The following ATRNL1 variants were observed in gnomAD, a reference collection of about 807,000 sequenced individuals.
The protein encoded by ATRNL1 is attractin like 1.
In ATRNL1, 95 loss-of-function variants were observed where a neutral mutation model predicts 182.7. That is an observed-to-expected ratio of 0.52 (90% CI 0.44 to 0.62). The LOEUF is 0.62. ATRNL1 is among the 20% of genes least tolerant of loss of function. ATRNL1 has a pLI of 0.00. For missense variants in ATRNL1, 1,471 were observed against 1,679.5 expected, an observed-to-expected ratio of 0.88 and a Z score of 2.17; for synonymous variants, 576 against 568.3, an observed-to-expected ratio of 1.01 and a Z score of -0.19.
chr10:115,834,254 C>A (rs1950620050), intron 27 of ATRNL1, among the ~76,000 whole-genome samples: 3 of 152,142 alleles, frequency 2.0e-5, no homozygotes, highest in African/African-American at 7.2e-5. Context: ...TCTGCGGCTC[C>A]AATATTCCTT....
chr10:115,529,350 C>T (rs1554987520), intron 25 of ATRNL1, among the ~76,000 whole-genome samples: 1 of 151,332 alleles, frequency 6.6e-6, no homozygotes, highest in African/African-American at 2.4e-5. Context: ...AATTTTTTCT[C>T]TTGTTATATT....
chr10:115,259,612 G>A (rs1851310994), intron 10 of ATRNL1, among the ~76,000 whole-genome samples: 1 of 152,190 alleles, frequency 6.6e-6, no homozygotes, highest in African/African-American at 2.4e-5. Flanking sequence ...CTCGCCCTCT[G>A]TGGGCTGCAT....
chr10:115,464,896 GTGAAGA>G (rs1217994296), intron 22 of ATRNL1, among the ~76,000 whole-genome samples: 2 of 151,666 alleles, frequency 1.3e-5, no homozygotes, highest in Non-Finnish European at 3.0e-5. Context: ...AGTCCTCTGG[GTGAAGA>G]TGAAGATGAA....
At chr10:115,619,445 G>A (rs1215316565) in intron 26 of ATRNL1, among the ~76,000 whole-genome samples, 2 of 151,528 alleles carry the variant, frequency 1.3e-5, no homozygotes, top group African/African-American at 2.4e-5. Flanking sequence ...GGCCCCTGGC[G>A]AGTACACATG....
At chr10:115,942,442 C>G (rs1186057284) in intron 28 of ATRNL1, among the ~76,000 whole-genome samples, 4 of 152,198 alleles carry the variant, frequency 2.6e-5, no homozygotes, top group Admixed American at 2.0e-4. Context: ...GGCCCATTTG[C>G]CACTTTTTAC....
chr10:115,370,274 G>A (rs575955271), intron 19 of ATRNL1, among the ~76,000 whole-genome samples: 1 of 152,318 alleles, frequency 6.6e-6, no homozygotes, highest in East Asian at 1.9e-4. Flanking sequence ...TACCAGTAGA[G>A]TGGGGCACTT....
intron 14 of ATRNL1, among the ~76,000 whole-genome samples, chr10:115,284,653 T>G (rs1417941115): frequency 6.6e-6 from 1 of 152,206 alleles, no homozygotes; most frequent in African/African-American, 2.4e-5. Flanking sequence ...CTAATAGTAC[T>G]GAGACATTAT....
intron 26 of ATRNL1, among the ~76,000 whole-genome samples, chr10:115,722,475 A>G (rs1947460400): frequency 6.6e-6 from 1 of 152,186 alleles, no homozygotes; most frequent in African/African-American, 2.4e-5. Context: ...TAATGATACT[A>G]AAAGTTCTTG....
intron 21 of ATRNL1, among the ~76,000 whole-genome samples, chr10:115,435,727 C>T (rs1180895190): frequency 6.6e-6 from 1 of 152,168 alleles, no homozygotes; most frequent in Non-Finnish European, 1.5e-5. Context: ...ACAAAAATGA[C>T]TCTTCCAGAT....
intron 15 of ATRNL1, among the ~76,000 whole-genome samples, chr10:115,286,851 T>C (rs1006391045): frequency 6.6e-6 from 1 of 152,014 alleles, no homozygotes; most frequent in African/African-American, 2.4e-5. Context: ...ATACTTTTTT[T>C]CTTCCCATTA....
At chr10:115,319,946 G>A (rs1554930893) in intron 18 of ATRNL1, among the ~76,000 whole-genome samples, 1 of 150,956 alleles carries the variant, frequency 6.6e-6, no homozygotes, top group African/African-American at 2.4e-5. Flanking sequence ...GATGCTATCT[G>A]GTTATTTTGC....
chr10:115,296,988 G>A (rs1202052215), intron 15 of ATRNL1, among the ~76,000 whole-genome samples: 1 of 152,162 alleles, frequency 6.6e-6, no homozygotes, highest in Non-Finnish European at 1.5e-5. Context: ...GGTGCTATAT[G>A]AAGATAAAGG....
chr10:115,165,634 G>T lies in ATRNL1; in HGVS notation c.1081G>T (p.Ala361Ser). 8.6e-6 allele frequency: 13 copies of T among 1,515,998 alleles called. No individual in the cohort carries two copies. Among genetic ancestry groups the T allele is most frequent in the Non-Finnish European group, 1.2e-5 (13 of 1,118,676 alleles). The allele number at this position is 1,515,998 out of a possible 1,614,324, so 93.9% of individuals were successfully genotyped here. A position where few individuals can be genotyped will look rare whatever the true frequency, so the allele number is the denominator to read the frequency against. Reference sequence around the variant, plus strand: ...TCTCCAGAGATATGGACACTCTCTTGCTTTATATCAGGTATGGCTCCTGCT... The same window carrying T: ...TCTCCAGAGATATGGACACTCTCTTTCTTTATATCAGGTATGGCTCCTGCT... Reference protein sequence around the residue: ...GPLQRYGHSLALYQENIFMYG... With the variant: ...GPLQRYGHSLSLYQENIFMYG... The change falls in exon 7 of 29, where the codon GCT becomes TCT. Residue 361 changes from alanine (A) to serine (S), a missense_variant. Physicochemically the swap from Ala to Ser is moderately conservative, Grantham distance 99 (BLOSUM62 1). Coordinates refer to ENST00000355044, the MANE Select transcript of ATRNL1 (RefSeq NM_207303.4).
At chr10:115,566,320 G>T (rs938434597) in intron 26 of ATRNL1, among the ~76,000 whole-genome samples, 2 of 152,104 alleles carry the variant, frequency 1.3e-5, no homozygotes, top group African/African-American at 4.8e-5. Flanking sequence ...CATGAAACAC[G>T]TATCTCCTGT....
chr10:115,108,043 T>C (rs188290919), intron 1 of ATRNL1, among the ~76,000 whole-genome samples: 2 of 152,312 alleles, frequency 1.3e-5, no homozygotes, highest in East Asian at 3.9e-4. Flanking sequence ...TTATCCATGC[T>C]AATCCCCTTA....
Position 115,628,165 on chromosome 10 carries a change from G to GA in ATRNL1, c.3795+78638dup, listed in dbSNP as rs1223072713. 2.6e-3 allele frequency among the ~76,000 whole-genome samples: 386 copies of GA among 148,838 alleles called. 1 individual carries two copies. Among genetic ancestry groups the GA allele is most frequent in the African/African-American group, 8.8e-3 (357 of 40,652 alleles). On this transcript the variant is annotated intron_variant, in intron 26 of 28. Transcript: ENST00000355044. The stretch of plus-strand genomic sequence containing the variant: ...CTGTCTCAAAAAAAAAAAAAAGAAA[G>GA]AAAAAAAAAGAAATGAACCATTTTA...
chr10:115,341,764 A>C (rs1554938415), intron 19 of ATRNL1, among the ~76,000 whole-genome samples: 2 of 152,080 alleles, frequency 1.3e-5, no homozygotes, highest in East Asian at 3.9e-4. Flanking sequence ...ATCATTATAG[A>C]GTGACCTTCT....
At chr10:115,822,706 A>G (rs1430200629) in intron 27 of ATRNL1, among the ~76,000 whole-genome samples, 1 of 152,198 alleles carries the variant, frequency 6.6e-6, no homozygotes, top group Non-Finnish European at 1.5e-5. Context: ...TCCTGGACAC[A>G]TACACCCTTC....
rs1035006509 is a variant in ATRNL1, at chr10:115,352,607, T to C, written c.3175+18188T>C. 1.2e-4 allele frequency among the ~76,000 whole-genome samples: 18 copies of C among 152,222 alleles called. No homozygotes were observed. In the South Asian group the frequency reaches 3.5e-3, roughly 30 times the overall value. On this transcript the variant is annotated intron_variant, in intron 19 of 28. Transcript: ENST00000355044. The stretch of plus-strand genomic sequence containing the variant: ...ATAGTTTCCAAAGTGTCATTATTCA[T>C]TTCTAGTTAATTCCACTGTTGTTAG...
Sources: gnomAD v4.1 joint callset for allele counts (sites outside exome capture counted in the v4.1 genomes callset) on GRCh38, gnomAD v4.1.1 for gene constraint, MANE v1.5 for transcripts, NCBI Gene and HGNC (gene_info 2026-07-23, HGNC 2026-07-21) for gene names.